The following DPYD variants were observed in gnomAD, a reference collection of about 807,000 sequenced individuals.
DPYD encodes dihydropyrimidine dehydrogenase.
Under a neutral mutation model 116.2 loss-of-function variants are expected in DPYD, and 109 were observed. The ratio of observed to expected loss-of-function variants is 0.94; its 90% confidence interval spans 0.80 to 1.10. The LOEUF (loss-of-function observed/expected upper bound fraction) is 1.10, where lower values mean the gene tolerates loss of function less well. Ranked by LOEUF, DPYD falls within the 50% of genes least tolerant of loss-of-function variation. DPYD has a pLI of 0.00. For missense variants in DPYD, 1,302 were observed against 1,254.5 expected (o/e 1.04, Z -0.57); for synonymous variants, 440 against 432.0 (o/e 1.02, Z -0.23).
intron 20 of DPYD, among the ~76,000 whole-genome samples, chr1:97,137,282 G>A (rs2101685663): frequency 6.6e-6 from 1 of 152,318 alleles, no homozygotes; most frequent in Admixed American, 6.5e-5. Context: ...AGCATATTCA[G>A]TCATCTGCCT....
chr1:97,146,158 G>C (rs920896576), intron 20 of DPYD, among the ~76,000 whole-genome samples: 3 of 152,076 alleles, frequency 2.0e-5, no homozygotes, highest in Non-Finnish European at 4.4e-5. Context: ...TGAACCTAAA[G>C]CTTTGGGAAG....
At chr1:97,505,507 T>A (rs12029826) in intron 13 of DPYD, among the ~76,000 whole-genome samples, 42,904 of 151,146 alleles carry the variant, frequency 0.28, 6,189 homozygotes, top group East Asian at 0.48. Context: ...TAAAATAATT[T>A]AAAAAATAAA....
chr1:97,211,969 T>A (rs1473721189), intron 19 of DPYD, among the ~76,000 whole-genome samples: 1 of 152,138 alleles, frequency 6.6e-6, no homozygotes, highest in Non-Finnish European at 1.5e-5. Context: ...CCACTATGAA[T>A]CGCTCCCAAT....
Position 97,837,958 on chromosome 1 carries a change from G to A in DPYD, c.151-9762C>T, listed in dbSNP as rs184517866. Among the ~76,000 whole-genome samples the A allele has an allele frequency of 6.6e-5, 10 of 152,132 alleles. No individual in the cohort carries two copies. In the East Asian group the frequency reaches 1.7e-3, roughly 26 times the overall value. ...ATACATATCAAGTTGCTTATCATCT[G>A]ATACTATCCAATTTTCTATATTTCT... On this transcript the variant is annotated intron_variant, in intron 2 of 22. Transcript: ENST00000370192.
intron 1 of DPYD, among the ~76,000 whole-genome samples, chr1:97,888,810 T>C (rs758021887): frequency 9.2e-5 from 14 of 152,024 alleles, no homozygotes; most frequent in Non-Finnish European, 1.8e-4. Flanking sequence ...ATTCCCAGAA[T>C]AACAAACAAT....
intron 8 of DPYD, among the ~76,000 whole-genome samples, chr1:97,625,123 A>C (rs1325723308): frequency 2.6e-5 from 4 of 152,088 alleles, no homozygotes; most frequent in African/African-American, 9.7e-5. Flanking sequence ...TTCTTACCAC[A>C]AAAAAGTTAA....
At chr1:97,542,293 A>G (rs1378801686) in intron 12 of DPYD, among the ~76,000 whole-genome samples, 1 of 152,194 alleles carries the variant, frequency 6.6e-6, no homozygotes, top group African/African-American at 2.4e-5. Flanking sequence ...CTTATGGACC[A>G]AACAGAGAAC....
chr1:97,792,428 T>C (rs1667368451), intron 3 of DPYD, among the ~76,000 whole-genome samples: 1 of 152,212 alleles, frequency 6.6e-6, no homozygotes, highest in South Asian at 2.1e-4. Flanking sequence ...TTTATATTTT[T>C]TAGTAGAGAC....
chr1:97,671,212 C>T (rs532086085), intron 8 of DPYD, among the ~76,000 whole-genome samples: 11 of 151,966 alleles, frequency 7.2e-5, no homozygotes, highest in Admixed American at 3.3e-4. Context: ...TTAATCAATA[C>T]TTCAACAGAT....
intron 8 of DPYD, among the ~76,000 whole-genome samples, chr1:97,653,701 T>C (rs951794295): frequency 6.6e-6 from 1 of 152,130 alleles, no homozygotes; most frequent in African/African-American, 2.4e-5. Flanking sequence ...AGTGTCCCCC[T>C]TTTCCTTCTC....
intron 3 of DPYD, chr1:97,797,806 C>A (rs1006586484): frequency 6.6e-6 from 1 of 151,932 alleles, no homozygotes; most frequent in South Asian, 2.1e-4. Flanking sequence ...CATAGTAAGC[C>A]TTTTTTAAAG....
intron 2 of DPYD, among the ~76,000 whole-genome samples, chr1:97,877,452 T>C (rs1351980536): frequency 6.6e-6 from 1 of 152,006 alleles, no homozygotes; most frequent in African/African-American, 2.4e-5. Flanking sequence ...TTAAGTTCAG[T>C]TACAAGAAAA....
chr1:97,287,600 CT>C (rs1484309662), intron 18 of DPYD, among the ~76,000 whole-genome samples: 1 of 152,184 alleles, frequency 6.6e-6, no homozygotes, highest in Non-Finnish European at 1.5e-5. Flanking sequence ...AGCTTTCTGG[CT>C]GCTTTGTTTA....
intron 8 of DPYD, among the ~76,000 whole-genome samples, chr1:97,597,341 T>C (rs1208557100): frequency 6.6e-6 from 1 of 152,178 alleles, no homozygotes; most frequent in African/African-American, 2.4e-5. Flanking sequence ...TCTGAAGGTC[T>C]CCATGTGGAT....
intron 19 of DPYD, among the ~76,000 whole-genome samples, chr1:97,208,279 TTCTC>T (rs937857846): frequency 5.9e-5 from 9 of 151,444 alleles, no homozygotes; most frequent in South Asian, 2.1e-4. Flanking sequence ...TCTTTCTTCT[TTCTC>T]TCTCTCTTTC....
chr1:97,419,227 G>C (rs1233583526), intron 14 of DPYD, among the ~76,000 whole-genome samples: 1 of 152,124 alleles, frequency 6.6e-6, no homozygotes, highest in African/African-American at 2.4e-5. Flanking sequence ...AGTTGCTTAA[G>C]TGATAACTGA....
chr1:97,130,931 C>CTCTATCTATCTA (rs71071635), intron 20 of DPYD, among the ~76,000 whole-genome samples: 3 of 136,800 alleles, frequency 2.2e-5, no homozygotes, highest in African/African-American at 8.6e-5. Flanking sequence ...CTTTCTCTCT[C>CTCTATCTATCTA]TCTATCTATC....
intron 20 of DPYD, among the ~76,000 whole-genome samples, chr1:97,155,012 A>C (rs567564412): frequency 6.6e-6 from 1 of 152,324 alleles, no homozygotes; most frequent in South Asian, 2.1e-4. Flanking sequence ...TGTCATTGCA[A>C]AAATGAAGCA....
intron 13 of DPYD, among the ~76,000 whole-genome samples, chr1:97,476,638 A>G (rs1238056600): frequency 1.3e-5 from 2 of 152,204 alleles, no homozygotes; most frequent in Non-Finnish European, 2.9e-5. Context: ...TTGAACTACA[A>G]TCCCAGTTCT....
Sources: gnomAD v4.1 joint callset for allele counts (sites outside exome capture counted in the v4.1 genomes callset) on GRCh38, gnomAD v4.1.1 for gene constraint, MANE v1.5 for transcripts, NCBI Gene and HGNC (gene_info 2026-07-23, HGNC 2026-07-21) for gene names.